TM2D2: variants seen among roughly 807,000 people sequenced by gnomAD.
TM2D2 encodes TM2 domain containing 2, also known as TM2 domain-containing protein 2.
In TM2D2, 19 loss-of-function variants were observed where a neutral mutation model predicts 23.0. That is an observed-to-expected ratio of 0.82 (90% CI 0.58 to 1.21). The LOEUF (loss-of-function observed/expected upper bound fraction) is 1.21, where lower values mean the gene tolerates loss of function less well. TM2D2 is among the 50% of genes most tolerant of loss of function. The pLI is 0.00. For missense variants in TM2D2, 246 were observed against 265.4 expected (o/e 0.93, Z 0.51); for synonymous variants, 120 against 108.8 (o/e 1.10, Z -0.64).
rs145210121 is a variant in TM2D2 at position 38,994,594 on chromosome 8, A to G, written c.315+724T>C. Among the ~76,000 whole-genome samples the G allele has an allele frequency of 1.4e-3, 215 of 152,288 alleles. 1 individual carries two copies. Among genetic ancestry groups the G allele is most frequent in the African/African-American group, 5.0e-3 (208 of 41,558 alleles). Reference sequence around the variant, plus strand: ...CTCTGTGTCTGATTTAGTACAAAACATGCCTTCCCATCATTCTCTTAACAT... The same window carrying G: ...CTCTGTGTCTGATTTAGTACAAAACGTGCCTTCCCATCATTCTCTTAACAT... On this transcript the variant is annotated intron_variant, in intron 2 of 3. Transcript: ENST00000456397.
intron 2 of TM2D2, among the ~76,000 whole-genome samples, chr8:38,994,964 C>T (rs1835711465): frequency 6.6e-6 from 1 of 152,232 alleles, no homozygotes; most frequent in Admixed American, 6.5e-5. Flanking sequence ...CTGCCCAATC[C>T]ATCACCAGTG....
rs1401933540 is a variant in TM2D2, at chr8:38,993,731, A to G, written c.316-71T>C. 3.6e-6 allele frequency: 4 copies of G among 1,126,744 alleles called. No homozygotes were observed. The Admixed American group carries it at 7.9e-5, about 22-fold the overall frequency. 69.8% of individuals were successfully genotyped at this position (1,126,744 alleles called of 1,614,324 possible). ...GACACAAACATCTATCTTTATATTCACTAATAACAGAATGAAAGCGGCCTC... is the reference window on the plus strand; with the variant it reads ...GACACAAACATCTATCTTTATATTCGCTAATAACAGAATGAAAGCGGCCTC... On this transcript the variant is annotated intron_variant, in intron 2 of 3. Coordinates refer to ENST00000456397, the MANE Select transcript of TM2D2 (RefSeq NM_078473.3).
rs1439125806 is a variant in TM2D2 at position 38,995,303 on chromosome 8, A to G, written c.315+15T>C. The G allele has an allele frequency of 1.3e-6, 2 of 1,567,476 alleles. No homozygotes were observed. Among genetic ancestry groups the G allele is most frequent in the Non-Finnish European group, 1.7e-6 (2 of 1,157,380 alleles). On this transcript the variant is annotated intron_variant, in intron 2 of 3. Transcript: ENST00000456397. Reference sequence around the variant, plus strand: ...TTATCGAAGGGTTTGCTCTTACGACAAAACAAAAACTCACCTTGAGACAAC... The same window carrying G: ...TTATCGAAGGGTTTGCTCTTACGACGAAACAAAAACTCACCTTGAGACAAC...
Position 38,993,532 on chromosome 8 carries a change from A to C in TM2D2, c.431+13T>G, listed in dbSNP as rs1564193781. On this transcript the variant is annotated intron_variant, in intron 3 of 3. Transcript: ENST00000456397. ...AACCAAGTACCAACTACTCCAATCA[A>C]AGTAACACTTACTTTATACAAGGTT... 3 of 1,595,082 alleles carry C rather than the reference A, an allele frequency of 1.9e-6. No individual in the cohort carries two copies. The highest frequency in any genetic ancestry group is 2.6e-6 in the Non-Finnish European group (3 of 1,163,934).
intron 2 of TM2D2, 104 bp downstream of exon 2, chr8:38,995,214 A>G: frequency 2.4e-6 from 2 of 835,622 alleles, no homozygotes; most frequent in Non-Finnish European, 3.7e-6. Context: ...TTCTGAGGAA[A>G]TTCTTCAAAA....
rs1835575622 is a variant in TM2D2 at position 38,990,685 on chromosome 8, T to C, written c.*647A>G. The C allele has an allele frequency of 6.6e-6, 1 of 152,608 alleles. No homozygotes were observed. The highest frequency in any genetic ancestry group is 1.5e-5 in the Non-Finnish European group (1 of 68,370). 9.5% of individuals were successfully genotyped at this position (152,608 alleles called of 1,614,324 possible). A position where few individuals can be genotyped will look rare whatever the true frequency, so the allele number is the denominator to read the frequency against. On this transcript the variant is annotated 3_prime_UTR_variant, in exon 4 of 4. Coordinates refer to ENST00000456397, the MANE Select transcript of TM2D2 (RefSeq NM_078473.3). ...ATTATTGCACTGCATATACTGCCTC[T>C]GGAACATAATGGAGACAAAAGAGGG...
intron 2 of TM2D2, among the ~76,000 whole-genome samples, chr8:38,994,938 A>C (rs975731457): frequency 3.3e-5 from 5 of 152,240 alleles, no homozygotes; most frequent in African/African-American, 1.2e-4. Flanking sequence ...CCCCAAATGC[A>C]TGTGTAACAA....
At chr8:38,996,521 C>A (rs974738695), upstream of TM2D2, 3 of 1,566,104 alleles carry the variant, frequency 1.9e-6, no homozygotes, top group Non-Finnish European at 2.6e-6. Context: ...CGTGGTCAGG[C>A]CTTTCCGCGT....
At chr8:38,995,506 A>T in intron 1 of TM2D2, 101 bp from the exon 2 acceptor site, 3 of 1,577,962 alleles carry the variant, frequency 1.9e-6, no homozygotes, top group Non-Finnish European at 2.6e-6. Flanking sequence ...TTCTTCATCA[A>T]GTTTTCTGGG....
chr8:38,995,916 G>C (rs550957364), intron 1 of TM2D2: 21 of 759,078 alleles, frequency 2.8e-5, no homozygotes, highest in Non-Finnish European at 4.0e-5. Flanking sequence ...TACTCTCCTT[G>C]GGCTAAAGGG....
chr8:38,991,753 G>A (rs1204056927), intron 3 of TM2D2, among the ~76,000 whole-genome samples: 2 of 152,174 alleles, frequency 1.3e-5, no homozygotes, highest in Non-Finnish European at 2.9e-5. Context: ...CCCAGAGACA[G>A]GAGGCACATC....
chr8:38,994,393 C>A (rs1835693564), intron 2 of TM2D2, among the ~76,000 whole-genome samples: 1 of 152,118 alleles, frequency 6.6e-6, no homozygotes, highest in Admixed American at 6.6e-5. Flanking sequence ...AATAAGAATG[C>A]TTACAGGATA....
chr8:38,995,867 T>TCTCAGTCCTCTTTGCATTTCCCAA, intron 1 of TM2D2: 1 of 1,055,046 alleles, frequency 9.5e-7, no homozygotes, highest in South Asian at 2.4e-5. Flanking sequence ...TTACTCCATT[T>TCTCAGTCCTCTTTGCATTTCCCAA]ATGCCTTACT....
intron 3 of TM2D2, among the ~76,000 whole-genome samples, chr8:38,992,204 G>A (rs1470871387): frequency 6.7e-6 from 1 of 148,496 alleles, no homozygotes; most frequent in Admixed American, 6.9e-5. Flanking sequence ...GGTGGCTGAT[G>A]CCTATAATCC....
upstream of TM2D2, chr8:38,996,814 T>G: frequency 7.0e-7 from 1 of 1,425,898 alleles, no homozygotes; most frequent in East Asian, 2.6e-5. Context: ...CCACCGCCGG[T>G]TTAGAAATCC....
In TM2D2 at chr8:38,995,198, C is replaced by T. The variant is rs1432152922; in HGVS notation, c.315+120G>A. ...TGGCCATACTGGAAATTTCCAGTAA[C>T]GGTCTTTCTGAGGAAATTCTTCAAA... On this transcript the variant is annotated intron_variant, in intron 2 of 3. Transcript: ENST00000456397. 9.7e-6 allele frequency: 7 copies of T among 719,388 alleles called. 1 individual carries two copies. The highest frequency in any genetic ancestry group is 9.3e-5 in the Admixed American group (3 of 32,346). 44.6% of individuals were successfully genotyped at this position (719,388 alleles called of 1,614,324 possible).
At chr8:38,993,290 A>T (rs575505031) in intron 3 of TM2D2, among the ~76,000 whole-genome samples, 3 of 152,294 alleles carry the variant, frequency 2.0e-5, no homozygotes, top group Admixed American at 6.5e-5. Flanking sequence ...AAAAAAAGTC[A>T]TATCAAAAAA....
At chr8:38,996,852 C>T (rs1436636352), upstream of TM2D2, 1 of 1,452,616 alleles carries the variant, frequency 6.9e-7, no homozygotes, top group African/African-American at 1.4e-5. Flanking sequence ...CTGGATTTTT[C>T]CCTACGTCAG....
At chr8:38,991,669 T>G in intron 3 of TM2D2, 124 bp from the exon 4 acceptor site, 1 of 742,680 alleles carries the variant, frequency 1.3e-6, no homozygotes. Flanking sequence ...TTACCCTCCA[T>G]TTTGTTTTCT....
Sources: gnomAD v4.1 joint callset for allele counts (sites outside exome capture counted in the v4.1 genomes callset) on GRCh38, gnomAD v4.1.1 for gene constraint, MANE v1.5 for transcripts, NCBI Gene and HGNC (gene_info 2026-07-23, HGNC 2026-07-21) for gene names.